SLC12A4: variants seen among roughly 807,000 people sequenced by gnomAD.
SLC12A4 encodes the protein solute carrier family 12 member 4, also known as electroneutral potassium-chloride cotransporter 1.
Under a neutral mutation model 119.2 loss-of-function variants are expected in SLC12A4, and 84 were observed. The observed-to-expected ratio is 0.70, with a 90% CI of 0.59 to 0.85. SLC12A4 has a LOEUF of 0.85. Ranked by LOEUF, SLC12A4 falls within the 40% of genes least tolerant of loss-of-function variation. The probability of loss-of-function intolerance (pLI) is 0.00; values close to 1 mark genes in which losing one functional copy is unlikely to be tolerated. For missense variants in SLC12A4, 1,298 were observed against 1,476.3 expected, an observed-to-expected ratio of 0.88 and a Z score of 1.98; for synonymous variants, 599 against 604.6, an observed-to-expected ratio of 0.99 and a Z score of 0.14.
At position 67,944,532 on chromosome 16, in the gene SLC12A4, T is replaced by C; in HGVS notation, c.*308A>G. 4.7e-6 allele frequency: 6 copies of C among 1,280,464 alleles called. No individual in the cohort carries two copies. Among genetic ancestry groups the C allele is most frequent in the Non-Finnish European group, 5.9e-6 (6 of 1,012,048 alleles). The allele number at this position is 1,280,464 out of a possible 1,614,324, so 79.3% of individuals were successfully genotyped here. On this transcript the variant is annotated 3_prime_UTR_variant, in exon 24 of 24. Transcript: ENST00000316341. The surrounding 1 kb of genome is among the most constrained non-coding windows in gnomAD (Gnocchi z 6.6). ...ATAAATATGCAATAAATAGCGCTCC[T>C]GGGCTGGGCCGGGCCGGCTGCCTTC...
At position 67,949,940 on chromosome 16, in the gene SLC12A4, C is replaced by G. The variant is rs2058394793; in HGVS notation, c.1630-22G>C. ...ACACCTGTGTGCACCAGGAAGGAAG[C>G]TGGGTCCTGTCACCCCCATTCCACA... On this transcript the variant is annotated intron_variant, in intron 12 of 23. Coordinates refer to ENST00000316341, the MANE Select transcript of SLC12A4 (RefSeq NM_005072.5). This position sits in a 1 kb window ranked among gnomAD's most constrained non-coding sequence, Gnocchi z 4.6. The G allele has an allele frequency of 6.4e-7, 1 of 1,572,622 alleles. No homozygotes were observed. The highest frequency in any genetic ancestry group is 1.4e-5 in the African/African-American group (1 of 74,050).
At chr16:67,947,173 C>T in intron 16 of SLC12A4, 68 bp from the exon 17 acceptor site, 2 of 1,529,556 alleles carry the variant, frequency 1.3e-6, no homozygotes, top group Non-Finnish European at 1.8e-6. Context: ...TCCTCTTCTT[C>T]CCTTCTCGGG....
In SLC12A4 at chr16:67,952,205, A is replaced by G; in HGVS notation, c.896T>C (p.Ile299Thr). The G allele has an allele frequency of 1.2e-6, 2 of 1,614,156 alleles. No individual in the cohort carries two copies. Among genetic ancestry groups the G allele is most frequent in the African/African-American group, 1.3e-5 (1 of 75,054 alleles). Residue 299 changes from isoleucine to threonine, a missense_variant, in exon 7 of 24, where the codon ATA becomes ACA. By Grantham distance (89) the Ile-to-Thr change is moderately conservative (BLOSUM62 -1). Coordinates refer to ENST00000316341, the MANE Select transcript of SLC12A4 (RefSeq NM_005072.5). ...LSIYAGGIKS[I>T]FDPPVFPVCM... ...TTACGGAAACACGGGAGGGTCAAATATAGACTTTATGCCCCCAGCATAGAT... is the reference window on the plus strand; with the variant it reads ...TTACGGAAACACGGGAGGGTCAAATGTAGACTTTATGCCCCCAGCATAGAT...
intron 14 of SLC12A4, 70 bp downstream of exon 14, chr16:67,947,991 A>G: frequency 1.9e-6 from 3 of 1,552,590 alleles, no homozygotes; most frequent in Non-Finnish European, 2.7e-6. Flanking sequence ...CCTACCCAGG[A>G]AACCCAAGCC....
chr16:67,954,710 A>G lies in SLC12A4; in HGVS notation c.608T>C (p.Leu203Pro), dbSNP rs773550268. ...GAATGTTGTTCCCAGGTAGAAGCAC[A>G]GGCCCACAGCACCTCCAAATTCTGG... ...LGPEFGGAVG[L>P]CFYLGTTFAA... The change falls in exon 6 of 24, where the codon CTG becomes CCG. Residue 203 changes from leucine to proline, a missense_variant. Coordinates refer to ENST00000316341, the MANE Select transcript of SLC12A4 (RefSeq NM_005072.5). 2.5e-6 allele frequency: 4 copies of G among 1,614,226 alleles called. No homozygotes were observed. Among genetic ancestry groups the G allele is most frequent in the Non-Finnish European group, 3.4e-6 (4 of 1,180,032 alleles).
At chr16:67,946,674 T>G in intron 17 of SLC12A4, 41 bp from the exon 18 acceptor site, 1 of 1,576,112 alleles carries the variant, frequency 6.3e-7, no homozygotes, top group Admixed American at 1.7e-5. Flanking sequence ...GGCCATCAGC[T>G]TCCTGCCTCT....
chr16:67,963,686 C>A, intron 1 of SLC12A4, 127 bp from the exon 2 acceptor site: 1 of 853,318 alleles, frequency 1.2e-6, no homozygotes, highest in East Asian at 2.7e-5. Flanking sequence ...CAGGTTGCAA[C>A]TCAGTTTTCA....
chr16:67,949,756 G>C lies in SLC12A4; in HGVS notation c.1748+44C>G. 7.3e-7 allele frequency: 1 copy of C among 1,375,200 alleles called. No individual in the cohort carries two copies. The highest frequency in any genetic ancestry group is 1.5e-5 in the African/African-American group (1 of 68,720). The allele number at this position is 1,375,200 out of a possible 1,614,324, so 85.2% of individuals were successfully genotyped here. A position where few individuals can be genotyped will look rare whatever the true frequency, so the allele number is the denominator to read the frequency against. On this transcript the variant is annotated intron_variant, in intron 13 of 23. Coordinates refer to ENST00000316341, the MANE Select transcript of SLC12A4 (RefSeq NM_005072.5). This position sits in a 1 kb window ranked among gnomAD's most constrained non-coding sequence, Gnocchi z 4.6. The stretch of plus-strand genomic sequence containing the variant: ...AGCCACGGGGAGGTGCTGGGGTTCA[G>C]GAAGCCTTTCCCCATCCCCCTGCCC...
chr16:67,954,715 C>T lies in SLC12A4; in HGVS notation c.603G>A (p.Val201=). Residue 201 remains valine (V), a synonymous_variant, in exon 6 of 24, where the codon GTG becomes GTA. Transcript: ENST00000316341. ...RSLGPEFGGA[V]GLCFYLGTTF... ...TTGTTCCCAGGTAGAAGCACAGGCC[C>T]ACAGCACCTCCAAATTCTGGCCCCA... is the stretch of plus-strand genomic sequence containing the variant. 6.2e-7 allele frequency: 1 copy of T among 1,614,164 alleles called. No homozygotes were observed.
intron 5 of SLC12A4, among the ~76,000 whole-genome samples, chr16:67,956,131 C>G (rs538502430): frequency 6.6e-6 from 1 of 151,942 alleles, no homozygotes; most frequent in Non-Finnish European, 1.5e-5. Context: ...GAGCTGAGAT[C>G]GTGCCACTGC....
chr16:67,955,163 G>A (rs1028451546), intron 5 of SLC12A4, among the ~76,000 whole-genome samples: 1 of 152,266 alleles, frequency 6.6e-6, no homozygotes, highest in Non-Finnish European at 1.5e-5. Flanking sequence ...GACTCCTCCA[G>A]ACCAGAGGAG....
At position 67,948,124 on chromosome 16, in the gene SLC12A4, G is replaced by A. The variant is rs2086096681; in HGVS notation, c.1784C>T (p.Ala595Val). Residue 595 changes from alanine to valine, a missense_variant, in exon 14 of 24, where the codon GCC (alanine) becomes GTC (valine). Physicochemically the swap from Ala to Val is moderately conservative, Grantham distance 64. Coordinates refer to ENST00000316341, the MANE Select transcript of SLC12A4 (RefSeq NM_005072.5). ...CCTCAGGAGTGTCTGCACCGCACAG[G>A]CGAGGTTCACGAACAGGTAGCACAT... ...FLMCYLFVNL[A>V]CAVQTLLRTP... The A allele has an allele frequency of 1.2e-6, 2 of 1,613,274 alleles. No homozygotes were observed. The highest frequency in any genetic ancestry group is 3.3e-5 in the Admixed American group (2 of 60,032).
rs151095664 is a variant in SLC12A4, at chr16:67,950,318, C to A, written c.1629+1G>T. The A allele has an allele frequency of 6.2e-7, 1 of 1,613,242 alleles. No homozygotes were observed. The highest frequency in any genetic ancestry group is 1.3e-5 in the African/African-American group (1 of 74,924). On this transcript the variant is annotated splice_donor_variant, in intron 12 of 23. Coordinates refer to ENST00000316341, the MANE Select transcript of SLC12A4 (RefSeq NM_005072.5). LOFTEE classifies it high-confidence loss of function. This position sits in a 1 kb window ranked among gnomAD's most constrained non-coding sequence, Gnocchi z 4.3. ...CCATGGGGGAGTGCAGAGGGGCTCA[C>A]CCGGAGGAAGGGGATGATGTTGTCC...
chr16:67,966,890 C>T (rs961612981), intron 1 of SLC12A4: 4 of 1,489,918 alleles, frequency 2.7e-6, no homozygotes, highest in Admixed American at 2.2e-5. Context: ...GCCAATGTAG[C>T]TCCAGGTCCC....
Position 67,961,558 on chromosome 16 carries a change from C to G in SLC12A4, c.342+17G>C. On this transcript the variant is annotated intron_variant, in intron 3 of 23. Transcript: ENST00000316341. ...GTCTTCCCAGGTGTGGCCCCTCTGC[C>G]GCCCCAACCAGCTCACCTCGGCTGC... 1 of 1,610,490 alleles carries G rather than the reference C, an allele frequency of 6.2e-7. No homozygotes were observed. Among genetic ancestry groups the G allele is most frequent in the Non-Finnish European group, 8.5e-7 (1 of 1,179,644 alleles).
intron 1 of SLC12A4, among the ~76,000 whole-genome samples, chr16:67,966,531 T>C (rs2030874515): frequency 6.6e-6 from 1 of 152,218 alleles, no homozygotes; most frequent in Non-Finnish European, 1.5e-5. Flanking sequence ...GTGACCCTCC[T>C]GATCCCTGTG....
intron 22 of SLC12A4, 65 bp downstream of exon 22, chr16:67,945,304 G>A: frequency 1.3e-6 from 2 of 1,571,062 alleles, no homozygotes; most frequent in Non-Finnish European, 1.7e-6. Context: ...AACACTACTT[G>A]TCTGCCCCAC....
intron 5 of SLC12A4, among the ~76,000 whole-genome samples, chr16:67,956,694 C>T (rs1488042369): frequency 6.6e-6 from 1 of 151,746 alleles, no homozygotes; most frequent in Non-Finnish European, 1.5e-5. Flanking sequence ...AAAAAAAACC[C>T]AAAAAACCAA....
intron 1 of SLC12A4, 49 bp from the exon 2 acceptor site, chr16:67,963,608 C>G (rs750502108): frequency 3.1e-5 from 43 of 1,382,124 alleles, no homozygotes; most frequent in Non-Finnish European, 4.2e-5. Flanking sequence ...GCCCCCCAGC[C>G]TGGGCCCCTT....
Sources: allele counts gnomAD v4.1 joint callset (sites outside exome capture counted in the v4.1 genomes callset), GRCh38; gene constraint gnomAD v4.1.1; non-coding constraint Gnocchi (gnomAD v3.1); transcripts MANE v1.5; gene names NCBI Gene and HGNC (gene_info 2026-07-23, HGNC 2026-07-21).